Variants in MAP2 observed in about 807,000 individuals in gnomAD.
The protein encoded by MAP2 is microtubule-associated protein 2.
In MAP2, 14 loss-of-function variants were observed where a neutral mutation model predicts 137.6. The observed-to-expected ratio is 0.10, with a 90% CI of 0.07 to 0.16. The LOEUF is 0.16. MAP2 is among the 10% of genes least tolerant of loss of function. The pLI is 1.00. For synonymous variants in MAP2, 786 were observed against 782.3 expected (o/e 1.00, Z -0.08); for missense variants, 2,088 against 2,191.5 (o/e 0.95, Z 0.94).
intron 7 of MAP2, chr2:209,690,669 G>T: frequency 7.8e-7 from 1 of 1,289,796 alleles, no homozygotes; most frequent in South Asian, 1.2e-5. Flanking sequence ...GAGAAAGAGT[G>T]TGGGGCTGCT....
chr2:209,691,465 ATT>A (rs3835774), intron 7 of MAP2, among the ~76,000 whole-genome samples: 1 of 151,392 alleles, frequency 6.6e-6, no homozygotes, highest in East Asian at 1.9e-4. Flanking sequence ...TTCATCAAGT[ATT>A]TTTTTTTCTA....
intron 1 of MAP2, among the ~76,000 whole-genome samples, chr2:209,478,793 A>C (rs924347849): frequency 2.6e-5 from 4 of 152,218 alleles, no homozygotes; most frequent in Admixed American, 1.3e-4. Flanking sequence ...CTAAATAGAA[A>C]TGTTTTAATT....
chr2:209,535,381 T>C (rs552804223), intron 2 of MAP2, among the ~76,000 whole-genome samples: 2 of 152,298 alleles, frequency 1.3e-5, no homozygotes, highest in African/African-American at 4.8e-5. Context: ...CACTTAGAAT[T>C]ATAAATTTTG....
chr2:209,604,725 C>A (rs1580234854), intron 3 of MAP2, among the ~76,000 whole-genome samples: 1 of 152,056 alleles, frequency 6.6e-6, no homozygotes, highest in Admixed American at 6.6e-5. Flanking sequence ...CTGTTAAGTT[C>A]TTTTATTGCT....
intron 7 of MAP2, among the ~76,000 whole-genome samples, chr2:209,685,904 A>T (rs1328925655): frequency 1.3e-5 from 2 of 152,172 alleles, no homozygotes. Flanking sequence ...AAATTCTTTA[A>T]TTTTATACTA....
At chr2:209,601,852 T>A (rs1325963516) in intron 3 of MAP2, among the ~76,000 whole-genome samples, 3 of 152,218 alleles carry the variant, frequency 2.0e-5, no homozygotes, top group African/African-American at 7.2e-5. Flanking sequence ...TAATCTTGAT[T>A]TTTAAAGTCT....
chr2:209,467,024 A>G (rs1210007668), intron 1 of MAP2, among the ~76,000 whole-genome samples: 1 of 152,114 alleles, frequency 6.6e-6, no homozygotes, highest in Non-Finnish European at 1.5e-5. Context: ...CCTCTTCCAC[A>G]CATTCTCCTT....
chr2:209,587,190 G>A (rs751874784), intron 3 of MAP2, among the ~76,000 whole-genome samples: 1 of 151,924 alleles, frequency 6.6e-6, no homozygotes, highest in Non-Finnish European at 1.5e-5. Flanking sequence ...TGGATTTCCA[G>A]TACAGTACTG....
intron 7 of MAP2, among the ~76,000 whole-genome samples, chr2:209,682,278 GTCAGGAGTTCAAGA>G (rs1471278111): frequency 6.6e-6 from 1 of 152,058 alleles, no homozygotes; most frequent in African/African-American, 2.4e-5. Context: ...ATCACTTGAG[GTCAGGAGTTCAAGA>G]TCAGCCTGGC....
chr2:209,688,203 AAAAGAGAGAGAG>A (rs529260825), intron 7 of MAP2, among the ~76,000 whole-genome samples: 7 of 152,210 alleles, frequency 4.6e-5, no homozygotes, highest in African/African-American at 1.4e-4. Flanking sequence ...AGAAGGAAGA[AAAAGAGAGAGAG>A]AAAGAGAGAG....
chr2:209,693,411 C>A lies in MAP2; in HGVS notation c.1241C>A (p.Ala414Asp), dbSNP rs1559576445. The stretch of plus-strand genomic sequence containing the variant: ...AAAGTTTTAGAGGAAGAAAAGGAGG[C>A]CATAAATCAAGAGACTGTGCAGCAA... ...MGKVLEEEKEAINQETVQQRD... is the reference protein window; with the variant it reads ...MGKVLEEEKEDINQETVQQRD... The change falls in exon 8 of 16, where the codon GCC (alanine) becomes GAC (aspartate). Residue 414 changes from alanine to aspartate, a missense_variant. Transcript: ENST00000682079. The A allele has an allele frequency of 1.2e-6, 2 of 1,613,114 alleles. No individual in the cohort carries two copies. Among genetic ancestry groups the A allele is most frequent in the Non-Finnish European group, 1.7e-6 (2 of 1,179,800 alleles).
At chr2:209,572,144 G>A (rs2074502849) in intron 2 of MAP2, among the ~76,000 whole-genome samples, 1 of 151,844 alleles carries the variant, frequency 6.6e-6, no homozygotes, top group African/African-American at 2.4e-5. Flanking sequence ...GCTAAACTCT[G>A]TTCATCATAA....
chr2:209,707,713 T>A (rs2063909301), intron 12 of MAP2, among the ~76,000 whole-genome samples: 1 of 152,184 alleles, frequency 6.6e-6, no homozygotes, highest in African/African-American at 2.4e-5. Flanking sequence ...AGAACATATT[T>A]ATTACAATAA....
intron 3 of MAP2, among the ~76,000 whole-genome samples, chr2:209,596,448 A>T (rs1440134038): frequency 6.6e-6 from 1 of 152,206 alleles, no homozygotes; most frequent in Non-Finnish European, 1.5e-5. Context: ...TCTAACGTTG[A>T]CTATTTGCAG....
rs749308409 is a variant in MAP2 at position 209,729,858 on chromosome 2, C to T, written c.5164C>T (p.Arg1722Cys). The T allele has an allele frequency of 1.9e-5, 30 of 1,607,908 alleles. No homozygotes were observed. The highest frequency in any genetic ancestry group is 2.4e-5 in the Non-Finnish European group (28 of 1,175,088). ...TATTTCTTCCCTCATAGGTGGCGGACGTGTGAAAATTGAGAGTGTAAAACT... is the reference window on the plus strand; with the variant it reads ...TATTTCTTCCCTCATAGGTGGCGGATGTGTGAAAATTGAGAGTGTAAAACT... ...KNIRHRPGGG[R>C]VKIESVKLDF... The change falls in exon 15 of 16, where the codon CGT becomes TGT. Residue 1722 changes from arginine to cysteine, a missense_variant. By Grantham distance (180) the Arg-to-Cys change is radical. Transcript: ENST00000682079.
intron 3 of MAP2, among the ~76,000 whole-genome samples, chr2:209,596,846 A>G (rs1054107168): frequency 6.6e-6 from 1 of 152,144 alleles, no homozygotes; most frequent in Non-Finnish European, 1.5e-5. Flanking sequence ...CTTTTTTCTA[A>G]CTCATACCTA....
At chr2:209,426,789 T>C (rs1039897232) in intron 1 of MAP2, among the ~76,000 whole-genome samples, 2 of 152,182 alleles carry the variant, frequency 1.3e-5, no homozygotes, top group African/African-American at 4.8e-5. Flanking sequence ...TAGAAATATG[T>C]AGCCAGAAAT....
chr2:209,669,519 C>T (rs1215151076), intron 5 of MAP2, among the ~76,000 whole-genome samples: 1 of 152,044 alleles, frequency 6.6e-6, no homozygotes, highest in East Asian at 1.9e-4. Context: ...CTAGTAAAGA[C>T]TATTCTTGGT....
chr2:209,556,792 T>C (rs546764157), intron 2 of MAP2, among the ~76,000 whole-genome samples: 3 of 152,190 alleles, frequency 2.0e-5, no homozygotes, highest in East Asian at 1.9e-4. Context: ...AAAAATGTTC[T>C]AACCTACGTT....
Sources: gnomAD v4.1 joint callset for allele counts (sites outside exome capture counted in the v4.1 genomes callset) on GRCh38, gnomAD v4.1.1 for gene constraint, MANE v1.5 for transcripts, NCBI Gene and HGNC (gene_info 2026-07-23, HGNC 2026-07-21) for gene names.